The following TBC1D32 variants were observed in gnomAD, a reference collection of about 807,000 sequenced individuals.
TBC1D32 encodes protein broad-minded.
TBC1D32 carries 151 observed loss-of-function variants against 170.3 expected under a neutral mutation model. The observed-to-expected ratio is 0.89, with a 90% CI of 0.78 to 1.01. The LOEUF is 1.01. Ranked by LOEUF, TBC1D32 falls within the 50% of genes least tolerant of loss-of-function variation. TBC1D32 has a pLI of 0.00. For synonymous variants in TBC1D32, 498 were observed against 488.0 expected, an observed-to-expected ratio of 1.02 and a Z score of -0.27; for missense variants, 1,464 against 1,457.1, an observed-to-expected ratio of 1.00 and a Z score of -0.08.
intron 9 of TBC1D32, among the ~76,000 whole-genome samples, chr6:121,301,757 G>C (rs557398911): frequency 1.3e-5 from 2 of 151,898 alleles, no homozygotes; most frequent in African/African-American, 4.8e-5. Context: ...AGAATTCTAG[G>C]GAATAGAGGA....
At chr6:121,217,646 G>T (rs962105236) in intron 21 of TBC1D32, among the ~76,000 whole-genome samples, 1 of 152,084 alleles carries the variant, frequency 6.6e-6, no homozygotes, top group South Asian at 2.1e-4. Flanking sequence ...CCTATTAGAG[G>T]GTAGGAGGTG....
At chr6:121,136,392 G>A (rs1444728142) in intron 24 of TBC1D32, among the ~76,000 whole-genome samples, 1 of 152,112 alleles carries the variant, frequency 6.6e-6, no homozygotes, top group Non-Finnish European at 1.5e-5. Context: ...TTCTCAAGTG[G>A]ACATGGTTTT....
At chr6:121,325,729 C>G (rs1336738067) in intron 1 of TBC1D32, among the ~76,000 whole-genome samples, 1 of 152,168 alleles carries the variant, frequency 6.6e-6, no homozygotes, top group Non-Finnish European at 1.5e-5. Context: ...GACTTCATGA[C>G]TAAAATACCA....
intron 12 of TBC1D32, among the ~76,000 whole-genome samples, chr6:121,287,465 T>C (rs1804055770): frequency 6.6e-6 from 1 of 152,172 alleles, no homozygotes; most frequent in East Asian, 1.9e-4. Context: ...ATCCTAAATA[T>C]ATATGCACCC....
chr6:121,082,454 T>C (rs954596470), intron 31 of TBC1D32, among the ~76,000 whole-genome samples: 1 of 152,044 alleles, frequency 6.6e-6, no homozygotes, highest in Non-Finnish European at 1.5e-5. Context: ...GACGTGGCTT[T>C]AACTACCTCT....
chr6:121,285,382 A>C (rs1803643193), intron 12 of TBC1D32, among the ~76,000 whole-genome samples: 1 of 152,298 alleles, frequency 6.6e-6, no homozygotes, highest in Non-Finnish European at 1.5e-5. Context: ...TTCAGCAGCA[A>C]GTTATGACAA....
intron 20 of TBC1D32, among the ~76,000 whole-genome samples, chr6:121,228,671 G>A (rs1446266472): frequency 6.6e-6 from 1 of 151,872 alleles, no homozygotes. Flanking sequence ...GCCCAACATG[G>A]TCTATCTTTG....
At chr6:121,169,261 G>C (rs958620497) in intron 22 of TBC1D32, among the ~76,000 whole-genome samples, 1 of 151,930 alleles carries the variant, frequency 6.6e-6, no homozygotes, top group Non-Finnish European at 1.5e-5. Flanking sequence ...TAGAAATAAG[G>C]CCAAACTTCT....
At chr6:121,131,453 G>C (rs1781428984) in intron 25 of TBC1D32, among the ~76,000 whole-genome samples, 174 bp downstream of exon 25, 1 of 151,724 alleles carries the variant, frequency 6.6e-6, no homozygotes, top group Admixed American at 6.6e-5. Context: ...GCTTAGTAGT[G>C]TCTCATATTT....
At chr6:121,318,352 G>A (rs546828944) in intron 2 of TBC1D32, among the ~76,000 whole-genome samples, 24 of 152,156 alleles carry the variant, frequency 1.6e-4, no homozygotes, top group African/African-American at 5.8e-4. Flanking sequence ...TCTCTACTTT[G>A]TAAGTTCAAA....
At chr6:121,147,959 C>G (rs1364432658) in intron 24 of TBC1D32, among the ~76,000 whole-genome samples, 1 of 134,496 alleles carries the variant, frequency 7.4e-6, no homozygotes, top group African/African-American at 2.6e-5. Flanking sequence ...ATGTCCTTTG[C>G]CCATTTTTTA....
chr6:121,317,687 T>A lies in TBC1D32; in HGVS notation c.318-15A>T. ...TTTCTTTGTACCTTTAAATTCAAGG[T>A]AGTCTTAATAAGAGAAAGACGATCA... On this transcript the variant is annotated splice_polypyrimidine_tract_variant and intron_variant, in intron 2 of 31. Coordinates refer to ENST00000398212, the MANE Select transcript of TBC1D32 (RefSeq NM_152730.6). 7 of 1,537,260 alleles carry A rather than the reference T, an allele frequency of 4.6e-6. No individual in the cohort carries two copies. The highest frequency in any genetic ancestry group is 6.2e-6 in the Non-Finnish European group (7 of 1,137,040).
chr6:121,160,754 T>A (rs907369897), intron 23 of TBC1D32, among the ~76,000 whole-genome samples, 194 bp downstream of exon 23: 2 of 152,220 alleles, frequency 1.3e-5, no homozygotes, highest in African/African-American at 2.4e-5. Flanking sequence ...ACTTTAGCAT[T>A]CATGACCCTT....
intron 24 of TBC1D32, among the ~76,000 whole-genome samples, chr6:121,148,302 A>G (rs1371626855): frequency 1.3e-5 from 2 of 152,126 alleles, no homozygotes; most frequent in Non-Finnish European, 2.9e-5. Flanking sequence ...CTGTCCCTGA[A>G]AAGGACATGA....
intron 12 of TBC1D32, among the ~76,000 whole-genome samples, chr6:121,287,488 C>T (rs1199147317): frequency 6.6e-6 from 1 of 152,096 alleles, no homozygotes; most frequent in Non-Finnish European, 1.5e-5. Context: ...TACAGGAGCA[C>T]CCAGATTCAT....
chr6:121,105,617 C>T (rs967226607), intron 30 of TBC1D32, among the ~76,000 whole-genome samples: 2 of 151,780 alleles, frequency 1.3e-5, no homozygotes, highest in African/African-American at 2.4e-5. Context: ...TCCTAGATCC[C>T]GACAGTAGAA....
intron 22 of TBC1D32, among the ~76,000 whole-genome samples, chr6:121,181,699 A>G (rs1788534217): frequency 6.6e-6 from 1 of 152,154 alleles, no homozygotes; most frequent in African/African-American, 2.4e-5. Flanking sequence ...AGCACTATCC[A>G]CAATGGCCAA....
chr6:121,261,314 A>G (rs1037983220), intron 15 of TBC1D32, among the ~76,000 whole-genome samples: 1 of 152,170 alleles, frequency 6.6e-6, no homozygotes, highest in Non-Finnish European at 1.5e-5. Flanking sequence ...ATGCCCCCCA[A>G]CTGGGTGAGA....
chr6:121,307,285 A>G (rs1807474426), intron 5 of TBC1D32, among the ~76,000 whole-genome samples: 1 of 152,062 alleles, frequency 6.6e-6, no homozygotes, highest in African/African-American at 2.4e-5. Flanking sequence ...CTGAGGTGGG[A>G]AGGTCACTTG....
Sources: gnomAD v4.1 joint callset for allele counts (sites outside exome capture counted in the v4.1 genomes callset) on GRCh38, gnomAD v4.1.1 for gene constraint, MANE v1.5 for transcripts, NCBI Gene and HGNC (gene_info 2026-07-23, HGNC 2026-07-21) for gene names.